ERBB4: variants seen among roughly 807,000 people sequenced by gnomAD.
ERBB4 encodes receptor tyrosine-protein kinase erbB-4.
Under a neutral mutation model 158.0 loss-of-function variants are expected in ERBB4, and 42 were observed. The ratio of observed to expected loss-of-function variants is 0.27; its 90% CI spans 0.21 to 0.34. The LOEUF (loss-of-function observed/expected upper bound fraction) is 0.34. Ranked by LOEUF, ERBB4 falls within the 10% of genes least tolerant of loss-of-function variation. The probability of loss-of-function intolerance (pLI) is 1.00; values close to 1 mark genes in which losing one functional copy is unlikely to be tolerated. For missense variants in ERBB4, 1,333 were observed against 1,624.1 expected, an observed-to-expected ratio of 0.82 and a Z score of 3.08; for synonymous variants, 583 against 558.7, an observed-to-expected ratio of 1.04 and a Z score of -0.61.
At chr2:211,515,211 C>T (rs1370177584) in intron 20 of ERBB4, among the ~76,000 whole-genome samples, 1 of 152,128 alleles carries the variant, frequency 6.6e-6, no homozygotes, top group South Asian at 2.1e-4. Context: ...CTGAAGGGAA[C>T]CAAGAAAAAG....
At chr2:211,829,609 A>G (rs2077176392) in intron 3 of ERBB4, among the ~76,000 whole-genome samples, 1 of 152,152 alleles carries the variant, frequency 6.6e-6, no homozygotes, top group African/African-American at 2.4e-5. Context: ...GGACAGAGAT[A>G]TATCTTATTT....
At chr2:211,961,714 CAA>C (rs1300037807) in intron 2 of ERBB4, among the ~76,000 whole-genome samples, 1 of 151,936 alleles carries the variant, frequency 6.6e-6, no homozygotes, top group African/African-American at 2.4e-5. Flanking sequence ...GTTGGAAGTA[CAA>C]AAGACAGAGA....
At chr2:212,198,243 T>C (rs760519586) in intron 1 of ERBB4, among the ~76,000 whole-genome samples, 6 of 152,212 alleles carry the variant, frequency 3.9e-5, no homozygotes, top group Non-Finnish European at 8.8e-5. Flanking sequence ...TTTATCCATT[T>C]TTAGATGTAC....
At chr2:212,298,708 A>G (rs927957235) in intron 1 of ERBB4, among the ~76,000 whole-genome samples, 3 of 151,750 alleles carry the variant, frequency 2.0e-5, no homozygotes, top group African/African-American at 7.3e-5. Flanking sequence ...CACCAAAGGA[A>G]TTAAAGAACA....
At chr2:211,582,648 T>C (rs1376164533) in intron 19 of ERBB4, among the ~76,000 whole-genome samples, 3 of 152,186 alleles carry the variant, frequency 2.0e-5, no homozygotes, top group Admixed American at 6.6e-5. Flanking sequence ...TTAAAAGAAT[T>C]CATATATTCA....
In ERBB4 at chr2:211,678,324, A is replaced by C. The variant is rs1391640671; in HGVS notation, c.1622+728T>G. ...ACAAAAAAAAACAAACAAACAAAAA[A>C]AAAAAAACAAGAAAACTTGCACTCC... On this transcript the variant is annotated intron_variant, in intron 13 of 27. Coordinates refer to ENST00000342788, the MANE Select transcript of ERBB4 (RefSeq NM_005235.3). Among the ~76,000 whole-genome samples, 6 of 151,702 alleles carry C rather than the reference A, an allele frequency of 4.0e-5. No homozygotes were observed. The East Asian group carries it at 7.8e-4, about 20-fold the overall frequency.
intron 3 of ERBB4, among the ~76,000 whole-genome samples, chr2:211,812,024 C>T (rs1406616597): frequency 6.6e-6 from 1 of 152,250 alleles, no homozygotes; most frequent in Non-Finnish European, 1.5e-5. Flanking sequence ...AAGCCTCCTT[C>T]TGTCAGCTCG....
At chr2:212,233,006 C>A (rs948350693) in intron 1 of ERBB4, among the ~76,000 whole-genome samples, 3 of 152,236 alleles carry the variant, frequency 2.0e-5, no homozygotes, top group African/African-American at 7.2e-5. Context: ...AATACTTATT[C>A]CTGAATGCAT....
intron 1 of ERBB4, among the ~76,000 whole-genome samples, chr2:212,278,747 T>TA (rs985819149): frequency 5.9e-5 from 9 of 151,718 alleles, no homozygotes; most frequent in Admixed American, 3.3e-4. Context: ...ATCTTCACTT[T>TA]AAAAAAAGCT....
At chr2:212,014,366 T>G (rs2076459414) in intron 2 of ERBB4, among the ~76,000 whole-genome samples, 1 of 152,214 alleles carries the variant, frequency 6.6e-6, no homozygotes, top group African/African-American at 2.4e-5. Flanking sequence ...TCAAAACAAC[T>G]TGCTTTAAAG....
rs2073724646 is a variant in ERBB4, at chr2:211,712,147, T to A, written c.1027A>T (p.Met343Leu). The change falls in exon 9 of 28, where the codon ATG becomes TTG. Residue 343 changes from methionine (M) to leucine (L), a missense_variant. Around this residue, in one of 5 missense-constraint regions of ERBB4, gnomAD observed 438 missense variants for 586.9 expected, o/e 0.75. Coordinates refer to ENST00000342788, the MANE Select transcript of ERBB4 (RefSeq NM_005235.3). ...CTGGAATCCACAGTCTGAGCTGACA[T>A]CAATGATCCTGTGCCAATGCCATCA... is the stretch of plus-strand genomic sequence containing the variant. Reference protein sequence around the residue: ...ACDGIGTGSLMSAQTVDSSNI... With the variant: ...ACDGIGTGSLLSAQTVDSSNI... 16 of 1,613,316 alleles carry A rather than the reference T, an allele frequency of 9.9e-6. No individual in the cohort carries two copies. Among genetic ancestry groups the A allele is most frequent in the Non-Finnish European group, 1.3e-5 (15 of 1,179,340 alleles).
At chr2:212,322,608 T>C (rs556675574) in intron 1 of ERBB4, among the ~76,000 whole-genome samples, 1 of 150,660 alleles carries the variant, frequency 6.6e-6, no homozygotes, top group South Asian at 2.1e-4. Flanking sequence ...AAGTCTGTTG[T>C]AAAAGATTTC....
In ERBB4 at chr2:211,377,916, G is replaced by A. The variant is rs1595065; in HGVS notation, c.*5699C>T. On this transcript the variant is annotated 3_prime_UTR_variant, in exon 28 of 28. Coordinates refer to ENST00000342788, the MANE Select transcript of ERBB4 (RefSeq NM_005235.3). The stretch of plus-strand genomic sequence containing the variant: ...TTAATAGCTTAAATATTCTCTATGC[G>A]GTAGTTTGATAGTTCACTTAAACAG... 0.71 allele frequency: 166,086 copies of A among 232,436 alleles called. 60,790 individuals are homozygous for A. The highest frequency in any genetic ancestry group is 0.92 in the African/African-American group (41,630 of 45,380). 14.4% of individuals were successfully genotyped at this position (232,436 alleles called of 1,614,324 possible). A position where few individuals can be genotyped will look rare whatever the true frequency, so the allele number is the denominator to read the frequency against.
At position 211,486,734 on chromosome 2, in the gene ERBB4, G is replaced by A. The variant is rs541681263; in HGVS notation, c.2488-55634C>T. ...ATCTTACTCCACATTACATCCACAT[G>A]AAAAATGTGGGTGATGTTAGCACCC... On this transcript the variant is annotated intron_variant, in intron 20 of 27. Transcript: ENST00000342788. Among the ~76,000 whole-genome samples, 104 of 152,178 alleles carry A rather than the reference G, an allele frequency of 6.8e-4. 1 individual carries two copies. The highest frequency in any genetic ancestry group is 2.4e-3 in the African/African-American group (99 of 41,574).
At chr2:212,357,297 G>A (rs1451092992) in intron 1 of ERBB4, among the ~76,000 whole-genome samples, 1 of 151,666 alleles carries the variant, frequency 6.6e-6, no homozygotes, top group Non-Finnish European at 1.5e-5. Flanking sequence ...TTTAGATGGT[G>A]TCCTCATATT....
chr2:212,511,735 T>C (rs1308193608), intron 1 of ERBB4, among the ~76,000 whole-genome samples: 1 of 152,226 alleles, frequency 6.6e-6, no homozygotes, highest in Non-Finnish European at 1.5e-5. Flanking sequence ...GGTATTGTAA[T>C]TGAACATTTA....
intron 3 of ERBB4, among the ~76,000 whole-genome samples, chr2:211,865,357 C>T (rs189458999): frequency 1.1e-3 from 163 of 152,244 alleles, no homozygotes; most frequent in Middle Eastern, 3.4e-3. Context: ...GGATTGGCAT[C>T]TCTTTAATTA....
At chr2:212,176,704 A>C (rs1006099857) in intron 1 of ERBB4, among the ~76,000 whole-genome samples, 5 of 152,066 alleles carry the variant, frequency 3.3e-5, no homozygotes, top group African/African-American at 9.6e-5. Flanking sequence ...TAAAGCTCCA[A>C]GTCTGGAATC....
intron 17 of ERBB4, among the ~76,000 whole-genome samples, chr2:211,627,330 G>A (rs2069898399): frequency 6.6e-6 from 1 of 152,236 alleles, no homozygotes; most frequent in Admixed American, 6.5e-5. Flanking sequence ...AAGATTGAAA[G>A]TAATCAAATT....
Sources: gnomAD v4.1 joint callset for allele counts (sites outside exome capture counted in the v4.1 genomes callset) on GRCh38, gnomAD v4.1.1 for gene constraint, gnomAD v4.1.1 regional missense constraint, MANE v1.5 for transcripts, NCBI Gene and HGNC (gene_info 2026-07-23, HGNC 2026-07-21) for gene names.